Variants in GREB1L observed in about 807,000 individuals in gnomAD.
GREB1L encodes GREB1-like protein.
A neutral mutation model predicts 200.8 loss-of-function variants in GREB1L; 17 were observed. That is an observed-to-expected ratio of 0.08 (90% CI 0.06 to 0.13). The LOEUF (loss-of-function observed/expected upper bound fraction) is 0.13. Ranked by LOEUF, GREB1L falls within the 10% of genes least tolerant of loss-of-function variation. The probability of loss-of-function intolerance (pLI) is 1.00; values close to 1 mark genes in which losing one functional copy is unlikely to be tolerated. For synonymous variants in GREB1L, 789 were observed against 893.0 expected (o/e 0.88, Z 2.08); for missense variants, 1,657 against 2,367.7 (o/e 0.70, Z 6.23).
intron 1 of GREB1L, among the ~76,000 whole-genome samples, chr18:21,334,460 A>T (rs529577103): frequency 2.6e-5 from 4 of 152,304 alleles, no homozygotes; most frequent in Admixed American, 6.5e-5. Context: ...AGTCCAAAAA[A>T]GTTTTCTTCT....
chr18:21,325,811 C>T (rs34843847), intron 1 of GREB1L, among the ~76,000 whole-genome samples: 1 of 87,804 alleles, frequency 1.1e-5, no homozygotes, highest in African/African-American at 5.4e-5. Flanking sequence ...AAGACCTTGT[C>T]TCAAAAAAAA....
At position 21,487,449 on chromosome 18, in the gene GREB1L, C is replaced by G. The variant is rs73425761; in HGVS notation, c.2690+1696C>G. On this transcript the variant is annotated intron_variant, in intron 18 of 32. Coordinates refer to ENST00000424526, the MANE Select transcript of GREB1L (RefSeq NM_001142966.3). ...GCATTAAGCTTGAAACATAGATTAT[C>G]TATACTTATTTCCTCCAACCCAGTC... Among the ~76,000 whole-genome samples, 317 of 152,294 alleles carry G rather than the reference C, an allele frequency of 2.1e-3. 1 individual carries two copies. Among genetic ancestry groups the G allele is most frequent in the African/African-American group, 7.3e-3 (302 of 41,558 alleles).
At chr18:21,402,387 C>T (rs1445047483) in intron 6 of GREB1L, among the ~76,000 whole-genome samples, 1 of 149,666 alleles carries the variant, frequency 6.7e-6, no homozygotes, top group Non-Finnish European at 1.5e-5. Context: ...TTCCTTTCTT[C>T]CTTCCTTCCC....
At chr18:21,509,391 T>C (rs2037147419) in intron 27 of GREB1L, among the ~76,000 whole-genome samples, 2 of 152,196 alleles carry the variant, frequency 1.3e-5, no homozygotes, top group South Asian at 4.1e-4. Flanking sequence ...AGCCTAGAGC[T>C]GGACTGGAGG....
intron 1 of GREB1L, among the ~76,000 whole-genome samples, chr18:21,331,183 G>A (rs1187670712): frequency 1.3e-5 from 2 of 152,204 alleles, no homozygotes; most frequent in East Asian, 3.8e-4. Context: ...TGTAAAGTAA[G>A]TTTGCAACAA....
At chr18:21,457,969 T>G (rs1397769693) in intron 15 of GREB1L, among the ~76,000 whole-genome samples, 1 of 150,244 alleles carries the variant, frequency 6.7e-6, no homozygotes, top group Non-Finnish European at 1.5e-5. Flanking sequence ...GGACAGTTTT[T>G]TTTTTTTTTT....
At chr18:21,338,958 G>A (rs1424774536) in intron 1 of GREB1L, among the ~76,000 whole-genome samples, 1 of 152,198 alleles carries the variant, frequency 6.6e-6, no homozygotes, top group Non-Finnish European at 1.5e-5. Flanking sequence ...GGAGGCTGAG[G>A]TGGGCAGATT....
chr18:21,467,964 A>T (rs8099087), intron 15 of GREB1L, among the ~76,000 whole-genome samples: 1 of 150,408 alleles, frequency 6.6e-6, no homozygotes, highest in East Asian at 2.0e-4. Context: ...GGTGGAGCTC[A>T]CAGTGAGCCG....
At chr18:21,456,041 G>A (rs1158492348) in intron 15 of GREB1L, among the ~76,000 whole-genome samples, 2 of 151,638 alleles carry the variant, frequency 1.3e-5, no homozygotes, top group Non-Finnish European at 2.9e-5. Context: ...AAGTAGCTGA[G>A]ATTACAGGTG....
intron 1 of GREB1L, among the ~76,000 whole-genome samples, chr18:21,313,141 GAGA>G (rs1337930673): frequency 4.6e-5 from 7 of 151,786 alleles, no homozygotes; most frequent in African/African-American, 1.7e-4. Context: ...GAAGCTAACA[GAGA>G]AGATTTTAAT....
At chr18:21,327,495 C>T (rs1298223734) in intron 1 of GREB1L, among the ~76,000 whole-genome samples, 1 of 152,112 alleles carries the variant, frequency 6.6e-6, no homozygotes, top group Non-Finnish European at 1.5e-5. Flanking sequence ...TACTGGGCTC[C>T]CTGCTTTTGG....
intron 1 of GREB1L, among the ~76,000 whole-genome samples, chr18:21,263,797 C>G (rs573467520): frequency 6.6e-6 from 1 of 152,278 alleles, no homozygotes; most frequent in Admixed American, 6.5e-5. Context: ...GTCAGTCAGT[C>G]ATCAGTTTTT....
chr18:21,514,067 T>C, intron 28 of GREB1L, 81 bp downstream of exon 28: 1 of 1,334,504 alleles, frequency 7.5e-7, no homozygotes. Flanking sequence ...CATACGGAAG[T>C]AAGAAAGAGA....
intron 1 of GREB1L, among the ~76,000 whole-genome samples, chr18:21,262,986 A>G (rs1452599344): frequency 6.6e-6 from 1 of 152,202 alleles, no homozygotes; most frequent in Admixed American, 6.5e-5. Flanking sequence ...TGCTTTAACA[A>G]ATTACATGGT....
At chr18:21,397,729 T>G (rs925096757) in intron 5 of GREB1L, among the ~76,000 whole-genome samples, 3 of 152,028 alleles carry the variant, frequency 2.0e-5, no homozygotes, top group African/African-American at 7.2e-5. Context: ...TTCACTTTGT[T>G]TAGTGAAATT....
chr18:21,384,111 C>T, intron 3 of GREB1L, 95 bp from the exon 4 acceptor site: 8 of 885,192 alleles, frequency 9.0e-6, no homozygotes. Context: ...TTAGAAAATG[C>T]TAGACCTTTT....
At chr18:21,493,310 C>T (rs543836046) in intron 19 of GREB1L, among the ~76,000 whole-genome samples, 7 of 152,280 alleles carry the variant, frequency 4.6e-5, no homozygotes, top group African/African-American at 1.7e-4. Flanking sequence ...AAGTTTAAGT[C>T]AGTTCCTCCA....
chr18:21,488,283 G>A (rs551629285), intron 18 of GREB1L, among the ~76,000 whole-genome samples: 27 of 152,148 alleles, frequency 1.8e-4, no homozygotes, highest in East Asian at 3.9e-4. Flanking sequence ...GTGACAGAGC[G>A]GGACTCTGTC....
intron 1 of GREB1L, among the ~76,000 whole-genome samples, chr18:21,314,454 G>A (rs763402390): frequency 6.6e-6 from 1 of 152,140 alleles, no homozygotes; most frequent in South Asian, 2.1e-4. Context: ...TTGACACATA[G>A]TAGGCACTTG....
Sources: allele counts gnomAD v4.1 joint callset (sites outside exome capture counted in the v4.1 genomes callset), GRCh38; gene constraint gnomAD v4.1.1; transcripts MANE v1.5; gene names NCBI Gene and HGNC (gene_info 2026-07-23, HGNC 2026-07-21).